DLC1: variants seen among roughly 807,000 people sequenced by gnomAD.
DLC1 encodes the protein DLC1 Rho GTPase activating protein.
DLC1 carries 54 observed loss-of-function variants against 140.3 expected under a neutral mutation model. The ratio of observed to expected loss-of-function variants is 0.38; its 90% CI spans 0.31 to 0.48. DLC1 has a LOEUF of 0.48. Ranked by LOEUF, DLC1 falls within the 20% of genes least tolerant of loss-of-function variation. The pLI is 0.96. For missense variants in DLC1, 2,536 were observed against 1,907.0 expected (o/e 1.33, Z -6.14); for synonymous variants, 986 against 728.1 (o/e 1.35, Z -5.70).
Position 13,499,619 on chromosome 8 carries a change from C to A in DLC1, c.453G>T (p.Leu151=). 1.9e-6 allele frequency: 3 copies of A among 1,614,186 alleles called. No homozygotes were observed. In the South Asian group the frequency reaches 3.3e-5, roughly 18 times the overall value. ...AAACTTGGTTACTTTGTATGATGGGCAGTGCCTTTTCTAAGGAGCCTGCTC... is the reference window on the plus strand; with the variant it reads ...AAACTTGGTTACTTTGTATGATGGGAAGTGCCTTTTCTAAGGAGCCTGCTC... The part of the protein sequence containing the change: ...IQGAGSLEKA[L]PIIQSNQVSS... Residue 151 remains leucine (L), a synonymous_variant, in exon 2 of 18, where the codon CTG becomes CTT. Transcript: ENST00000276297.
intron 5 of DLC1, among the ~76,000 whole-genome samples, chr8:13,254,568 C>A (rs530855232): frequency 1.3e-5 from 2 of 152,222 alleles, no homozygotes; most frequent in South Asian, 4.1e-4. Flanking sequence ...TGCCACAGGG[C>A]TTATCTTTGA....
At chr8:13,221,057 T>TA (rs1828522406) in intron 5 of DLC1, among the ~76,000 whole-genome samples, 1 of 152,170 alleles carries the variant, frequency 6.6e-6, no homozygotes, top group South Asian at 2.1e-4. Flanking sequence ...CAGTGCACAA[T>TA]AAAATAAAGG....
intron 5 of DLC1, among the ~76,000 whole-genome samples, chr8:13,210,787 C>G (rs957625854): frequency 5.3e-5 from 8 of 152,072 alleles, no homozygotes; most frequent in Non-Finnish European, 7.4e-5. Context: ...TGATTTAGCC[C>G]TTATTATCTT....
intron 4 of DLC1, among the ~76,000 whole-genome samples, chr8:13,323,868 A>G (rs919512621): frequency 6.6e-6 from 1 of 152,228 alleles, no homozygotes; most frequent in Admixed American, 6.5e-5. Flanking sequence ...ATTCTAAAAT[A>G]AAAGCATTTT....
At chr8:13,444,299 C>G (rs535100429) in intron 2 of DLC1, among the ~76,000 whole-genome samples, 11 of 152,002 alleles carry the variant, frequency 7.2e-5, no homozygotes, top group Admixed American at 6.6e-4. Context: ...GGGGCCTGAC[C>G]GGTGGTGCGG....
chr8:13,104,375 C>T (rs369468887), intron 7 of DLC1, among the ~76,000 whole-genome samples: 1 of 149,484 alleles, frequency 6.7e-6, no homozygotes, highest in Non-Finnish European at 1.5e-5. Flanking sequence ...CCCAAAACCT[C>T]ATGGAGAAAT....
intron 5 of DLC1, among the ~76,000 whole-genome samples, chr8:13,249,523 T>C (rs1829912509): frequency 6.6e-6 from 1 of 152,136 alleles, no homozygotes; most frequent in Admixed American, 6.5e-5. Context: ...CTCAGGGTGG[T>C]TCCTCCTCCT....
At chr8:13,123,289 C>T (rs1195208075) in intron 5 of DLC1, among the ~76,000 whole-genome samples, 1 of 152,096 alleles carries the variant, frequency 6.6e-6, no homozygotes, top group Non-Finnish European at 1.5e-5. Context: ...GATCCAGCCA[C>T]ACCGGCCTCC....
At chr8:13,205,107 T>G (rs1304557884) in intron 5 of DLC1, among the ~76,000 whole-genome samples, 1 of 151,360 alleles carries the variant, frequency 6.6e-6, no homozygotes, top group Non-Finnish European at 1.5e-5. Context: ...AAAAAAAAAA[T>G]GCCAAAAAAC....
At chr8:13,563,868 T>A (rs1467903528) in intron 1 of DLC1, among the ~76,000 whole-genome samples, 1 of 152,146 alleles carries the variant, frequency 6.6e-6, no homozygotes, top group African/African-American at 2.4e-5. Flanking sequence ...TGAAAATAAT[T>A]TTTACAATGA....
chr8:13,253,357 G>A (rs1406347), intron 5 of DLC1, among the ~76,000 whole-genome samples: 60,887 of 151,928 alleles, frequency 0.4, 12,664 homozygotes, highest in East Asian at 0.79. Context: ...GGATGTCCTC[G>A]TTCATTGTGA....
At chr8:13,368,882 G>T (rs920818365) in intron 4 of DLC1, among the ~76,000 whole-genome samples, 3 of 152,142 alleles carry the variant, frequency 2.0e-5, no homozygotes, top group African/African-American at 7.2e-5. Context: ...GGAGGGCAGC[G>T]GTGTGATCTT....
chr8:13,522,694 G>A (rs1398318849), intron 1 of DLC1, among the ~76,000 whole-genome samples: 1 of 151,974 alleles, frequency 6.6e-6, no homozygotes, highest in Non-Finnish European at 1.5e-5. Context: ...GTAGTATTAT[G>A]TAGTATATGG....
chr8:13,148,741 G>T (rs1261022431), intron 5 of DLC1, among the ~76,000 whole-genome samples: 7 of 152,070 alleles, frequency 4.6e-5, no homozygotes, highest in African/African-American at 1.7e-4. Flanking sequence ...ATTCTTCTAT[G>T]CATTTACTTG....
intron 4 of DLC1, among the ~76,000 whole-genome samples, chr8:13,354,491 T>C (rs188410562): frequency 6.8e-6 from 1 of 147,870 alleles, no homozygotes; most frequent in Admixed American, 7.0e-5. Flanking sequence ...TATTTTAGTA[T>C]GGGCATGGAA....
At chr8:13,536,069 G>T (rs1327036836) in intron 1 of DLC1, 1 of 152,228 alleles carries the variant, frequency 6.6e-6, no homozygotes, top group Non-Finnish European at 1.5e-5. Flanking sequence ...GATCTTGGAA[G>T]CTAAGCAGGA....
At chr8:13,591,139 AT>A (rs1229001460) in intron 1 of DLC1, among the ~76,000 whole-genome samples, 1 of 152,074 alleles carries the variant, frequency 6.6e-6, no homozygotes, top group Non-Finnish European at 1.5e-5. Context: ...TCAAAGTGTG[AT>A]GAGAAATTTT....
chr8:13,392,356 T>C (rs1258980490), intron 4 of DLC1, among the ~76,000 whole-genome samples: 1 of 152,208 alleles, frequency 6.6e-6, no homozygotes, highest in Non-Finnish European at 1.5e-5. Flanking sequence ...TAAATATTTA[T>C]TCCATAAAAA....
chr8:13,278,457 T>A lies in DLC1; in HGVS notation c.1348+26812A>T, dbSNP rs117832344. The stretch of plus-strand genomic sequence containing the variant: ...GATGCTGTTTTAGGCCTGCGGAACT[T>A]TAGGATGAATAAGACCTCAACTCTG... On this transcript the variant is annotated intron_variant, in intron 5 of 17. Coordinates refer to ENST00000276297, the MANE Select transcript of DLC1 (RefSeq NM_182643.3). Among the ~76,000 whole-genome samples, 190 of 152,230 alleles carry A rather than the reference T, an allele frequency of 1.2e-3. 6 individuals carry two copies. In the East Asian group the frequency reaches 0.035, roughly 28 times the overall value.
Sources: allele counts gnomAD v4.1 joint callset (sites outside exome capture counted in the v4.1 genomes callset), GRCh38; gene constraint gnomAD v4.1.1; transcripts MANE v1.5; gene names NCBI Gene and HGNC (gene_info 2026-07-23, HGNC 2026-07-21).